Variants in FOXK1 observed in about 807,000 individuals in gnomAD.
FOXK1 encodes the protein forkhead box K1.
Under a neutral mutation model 51.9 loss-of-function variants are expected in FOXK1, and 19 were observed. The observed-to-expected ratio is 0.37, with a 90% CI of 0.26 to 0.54. The LOEUF is 0.54. FOXK1 is among the 20% of genes least tolerant of loss of function. The pLI, the probability that FOXK1 is intolerant of heterozygous loss-of-function variation, is 0.87. For missense variants in FOXK1, 870 were observed against 1,032.7 expected, an observed-to-expected ratio of 0.84 and a Z score of 2.16; for synonymous variants, 537 against 482.6, an observed-to-expected ratio of 1.11 and a Z score of -1.48.
At chr7:4,759,901 C>G (rs111935056) in intron 7 of FOXK1, 2 of 464,314 alleles carry the variant, frequency 4.3e-6, no homozygotes, top group South Asian at 2.6e-5. Context: ...CATGATGATG[C>G]GCTCCTGTAG....
At position 4,682,545 on chromosome 7, in the gene FOXK1, G is replaced by A; in HGVS notation, c.237G>A (p.Gly79=). 1 of 1,149,482 alleles carries A rather than the reference G, an allele frequency of 8.7e-7. No individual in the cohort carries two copies. Among genetic ancestry groups the A allele is most frequent in the Non-Finnish European group, 1.1e-6 (1 of 938,502 alleles). The allele number at this position is 1,149,482 out of a possible 1,614,324, so 71.2% of individuals were successfully genotyped here. Residue 79 remains glycine (G), a synonymous_variant, in exon 1 of 9, where the codon GGG becomes GGA. Coordinates refer to ENST00000328914, the MANE Select transcript of FOXK1 (RefSeq NM_001037165.2). This position sits in a 1 kb window ranked among gnomAD's most constrained non-coding sequence, Gnocchi z 7.6. ...CCGGGGGCTCCTCCGGGGTATCCGG[G>A]GACTCCGCGGTCGCGGGCGCGGCGC... ...GSSGGSSGVS[G]DSAVAGAAPA...
At chr7:4,704,776 A>G (rs1780062406) in intron 1 of FOXK1, among the ~76,000 whole-genome samples, 1 of 150,872 alleles carries the variant, frequency 6.6e-6, no homozygotes, top group Admixed American at 6.6e-5. Context: ...TGTGTTGCCC[A>G]GGCTGGTCTC....
intron 2 of FOXK1, among the ~76,000 whole-genome samples, chr7:4,752,932 C>T (rs935117902): frequency 1.3e-5 from 2 of 152,226 alleles, no homozygotes; most frequent in African/African-American, 4.8e-5. Flanking sequence ...TCTCATCTTA[C>T]TTGTAAACTT....
intron 1 of FOXK1, among the ~76,000 whole-genome samples, chr7:4,727,348 C>T (rs1025186017): frequency 7.2e-5 from 11 of 152,126 alleles, no homozygotes; most frequent in African/African-American, 2.7e-4. Flanking sequence ...GGGCGTCTTA[C>T]TCTGTTACCC....
chr7:4,753,658 T>A lies in FOXK1; in HGVS notation c.747-801T>A, dbSNP rs1309498589. 6.6e-6 allele frequency among the ~76,000 whole-genome samples: 1 copy of A among 152,186 alleles called. No homozygotes were observed. Among genetic ancestry groups the A allele is most frequent in the African/African-American group, 2.4e-5 (1 of 41,446 alleles). On this transcript the variant is annotated intron_variant, in intron 2 of 8. Transcript: ENST00000328914. This position sits in a 1 kb window ranked among gnomAD's most constrained non-coding sequence, Gnocchi z 4.9. ...ATTGGCTTTCTCTGAATACCTGTAA[T>A]AGAAATCATTTTCAGAAGCAAAACA...
In FOXK1 at chr7:4,761,164, C is replaced by G. The variant is rs781694451; in HGVS notation, c.1797C>G (p.His599Gln). 1.3e-5 allele frequency: 21 copies of G among 1,612,638 alleles called. No individual in the cohort carries two copies. Among genetic ancestry groups the G allele is most frequent in the Admixed American group, 1.0e-4 (6 of 60,010 alleles). The change falls in exon 8 of 9, where the codon CAC (histidine) becomes CAG (glutamine). Residue 599 changes from histidine (H) to glutamine (Q), a missense_variant. Physicochemically the swap from His to Gln is conservative, Grantham distance 24 (BLOSUM62 0). Transcript: ENST00000328914. This position sits in a 1 kb window ranked among gnomAD's most constrained non-coding sequence, Gnocchi z 6.2. ...AGATGGCCCCCGGGGTCCCCGGACA[C>G]ACGGTCACCATCCTGCAGCCCGCCA... ...ASQMAPGVPG[H>Q]TVTILQPATP...
intron 2 of FOXK1, among the ~76,000 whole-genome samples, chr7:4,744,851 G>C (rs947366470): frequency 6.6e-6 from 1 of 152,270 alleles, no homozygotes; most frequent in Admixed American, 6.5e-5. Context: ...GGAGAATTCT[G>C]TGCGGAGAAA....
At chr7:4,689,675 A>G (rs1779868184) in intron 1 of FOXK1, among the ~76,000 whole-genome samples, 1 of 152,238 alleles carries the variant, frequency 6.6e-6, no homozygotes, top group South Asian at 2.1e-4. Context: ...TAGTTATACA[A>G]TTAGTTATAC....
At chr7:4,713,580 C>T (rs1301936944) in intron 1 of FOXK1, among the ~76,000 whole-genome samples, 5 of 152,022 alleles carry the variant, frequency 3.3e-5, no homozygotes, top group African/African-American at 7.3e-5. Context: ...CAACCTCCCC[C>T]TCCTGGGTGC....
In FOXK1 at chr7:4,697,741, CTGTGTGTGTGTGTGTGTG is replaced by C. The variant is rs57978112; in HGVS notation, c.560+14905_560+14922del. 2.8e-3 allele frequency among the ~76,000 whole-genome samples: 379 copies of C among 135,678 alleles called. 3 individuals are homozygous for C. Among genetic ancestry groups the C allele is most frequent in the African/African-American group, 7.3e-3 (263 of 36,156 alleles). The allele number at this position is 135,678 out of a possible 152,430, so 89.0% of individuals were successfully genotyped here. ...AGTGTTTACATACAGGAAAGATAGG[CTGTGTGTGTGTGTGTGTG>C]TGTGTGTGTGTGTGTGTGTGTGTGT... is the stretch of plus-strand genomic sequence containing the variant. On this transcript the variant is annotated intron_variant, in intron 1 of 8. Transcript: ENST00000328914.
intron 1 of FOXK1, among the ~76,000 whole-genome samples, chr7:4,705,960 GTATATA>G (rs58287661): frequency 0.045 from 5,834 of 129,860 alleles, 285 homozygotes; most frequent in Non-Finnish European, 0.062. Flanking sequence ...ATATATATAT[GTATATA>G]TATATACGTA....
At position 4,762,731 on chromosome 7, in the gene FOXK1, C is replaced by T; in HGVS notation, c.*267C>T. On this transcript the variant is annotated 3_prime_UTR_variant, in exon 9 of 9. Transcript: ENST00000328914. This position sits in a 1 kb window ranked among gnomAD's most constrained non-coding sequence, Gnocchi z 5.7. Reference sequence around the variant, plus strand: ...CTTTCCTTCTCCCTCGGCACCACCTCCTCTCCCCAGGCCTCCCTGTCGGGC... The same window carrying T: ...CTTTCCTTCTCCCTCGGCACCACCTTCTCTCCCCAGGCCTCCCTGTCGGGC... The T allele has an allele frequency of 2.1e-6, 1 of 471,088 alleles. No individual in the cohort carries two copies. Among genetic ancestry groups the T allele is most frequent in the South Asian group, 2.4e-5 (1 of 41,142 alleles). 29.2% of individuals were successfully genotyped at this position (471,088 alleles called of 1,614,324 possible). A position where few individuals can be genotyped will look rare whatever the true frequency, so the allele number is the denominator to read the frequency against.
rs946941720 is a variant in FOXK1, at chr7:4,768,751, G to C, written c.*6287G>C. On this transcript the variant is annotated 3_prime_UTR_variant, in exon 9 of 9. Transcript: ENST00000328914. ...GAAGGCCACGAGAGAGAGAGGAGCGGGGAGAGTGGTGAGGAGGATTCGTCT... is the reference window on the plus strand; with the variant it reads ...GAAGGCCACGAGAGAGAGAGGAGCGCGGAGAGTGGTGAGGAGGATTCGTCT... 8 of 152,342 alleles carry C rather than the reference G, an allele frequency of 5.3e-5. No homozygotes were observed. Among genetic ancestry groups the C allele is most frequent in the African/African-American group, 1.9e-4 (8 of 41,466 alleles). 9.4% of individuals were successfully genotyped at this position (152,342 alleles called of 1,614,324 possible). A position where few individuals can be genotyped will look rare whatever the true frequency, so the allele number is the denominator to read the frequency against.
chr7:4,727,441 G>T (rs1780394933), intron 1 of FOXK1, among the ~76,000 whole-genome samples: 2 of 152,056 alleles, frequency 1.3e-5, no homozygotes, highest in Non-Finnish European at 2.9e-5. Flanking sequence ...TCAGCCTCTG[G>T]AGTAGCTGGG....
At position 4,751,482 on chromosome 7, in the gene FOXK1, G is replaced by A. The variant is rs1035405062; in HGVS notation, c.747-2977G>A. ...GTGTCCCATCCCACCCTGGCTGGGC[G>A]CCCTCAGACCTGTCTTCCCCCAGGG... On this transcript the variant is annotated intron_variant, in intron 2 of 8. Transcript: ENST00000328914. Among the ~76,000 whole-genome samples the A allele has an allele frequency of 3.9e-5, 6 of 152,176 alleles. No homozygotes were observed. The East Asian group carries it at 5.8e-4, about 15-fold the overall frequency.
rs961406358 is a variant in FOXK1 at position 4,768,885 on chromosome 7, C to T, written c.*6421C>T. ...CAGCCCAGTCCTTGGAGAATGAAAC[C>T]CTGAGGGTCAGTGAGTGGAGGCCTT... On this transcript the variant is annotated 3_prime_UTR_variant, in exon 9 of 9. Coordinates refer to ENST00000328914, the MANE Select transcript of FOXK1 (RefSeq NM_001037165.2). 2.6e-5 allele frequency: 4 copies of T among 152,192 alleles called. No homozygotes were observed. The highest frequency in any genetic ancestry group is 9.7e-5 in the African/African-American group (4 of 41,428). 9.4% of individuals were successfully genotyped at this position (152,192 alleles called of 1,614,324 possible). A position where few individuals can be genotyped will look rare whatever the true frequency, so the allele number is the denominator to read the frequency against.
rs559239216 is a variant in FOXK1, at chr7:4,699,968, G to T, written c.560+17100G>T. Among the ~76,000 whole-genome samples the T allele has an allele frequency of 1.0e-3, 156 of 152,232 alleles. 3 individuals are homozygous for T. The highest frequency in any genetic ancestry group is 3.7e-3 in the African/African-American group (155 of 41,536). Reference sequence around the variant, plus strand: ...TCGGCTAGGACCTCCAAATAACATTGACCGAGTACCATGATAATGGGCTCC... The same window carrying T: ...TCGGCTAGGACCTCCAAATAACATTTACCGAGTACCATGATAATGGGCTCC... On this transcript the variant is annotated intron_variant, in intron 1 of 8. Transcript: ENST00000328914.
chr7:4,695,388 C>T (rs1010771997), intron 1 of FOXK1, among the ~76,000 whole-genome samples: 4 of 152,148 alleles, frequency 2.6e-5, no homozygotes, highest in Non-Finnish European at 5.9e-5. Flanking sequence ...GCCTGCCTAC[C>T]TTTGGATTGG....
rs554863316 is a variant in FOXK1 at position 4,745,333 on chromosome 7, G to A, written c.746+4310G>A. 2.6e-5 allele frequency among the ~76,000 whole-genome samples: 4 copies of A among 152,226 alleles called. No homozygotes were observed. Among genetic ancestry groups the A allele is most frequent in the East Asian group, 1.9e-4 (1 of 5,168 alleles). ...CAGGAGTCGGGAGTGGCTTGGGAGC[G>A]GCTTTTTCCTGGGGGAGCCTCCCTG... On this transcript the variant is annotated intron_variant, in intron 2 of 8. Transcript: ENST00000328914. The surrounding 1 kb of genome is among the most constrained non-coding windows in gnomAD (Gnocchi z 4.3).
Sources: allele counts gnomAD v4.1 joint callset (sites outside exome capture counted in the v4.1 genomes callset), GRCh38; gene constraint gnomAD v4.1.1; non-coding constraint Gnocchi (gnomAD v3.1); transcripts MANE v1.5; gene names NCBI Gene and HGNC (gene_info 2026-07-23, HGNC 2026-07-21).